Variants in STK33 observed in about 807,000 individuals in gnomAD.
STK33 encodes the protein serine/threonine kinase 33.
Under a neutral mutation model 58.0 loss-of-function variants are expected in STK33, and 52 were observed. That is an observed-to-expected ratio of 0.90 (90% CI 0.72 to 1.13). STK33 has a LOEUF of 1.13. Among genes scored for constraint, STK33 ranks in the 50% most tolerant of loss-of-function variants. The pLI, the probability that STK33 is intolerant of heterozygous loss-of-function variation, is 0.00. For missense variants in STK33, 630 were observed against 604.2 expected (o/e 1.04, Z -0.45); for synonymous variants, 215 against 200.1 (o/e 1.07, Z -0.63).
intron 1 of STK33, among the ~76,000 whole-genome samples, chr11:8,553,204 T>TC (rs1956468981): frequency 1.3e-5 from 1 of 76,418 alleles, no homozygotes; most frequent in Non-Finnish European, 2.4e-5. Context: ...ATATGGTGTA[T>TC]ATATATATAT....
intron 1 of STK33, among the ~76,000 whole-genome samples, chr11:8,489,335 T>TC (rs1950427539): frequency 6.6e-6 from 1 of 151,246 alleles, no homozygotes; most frequent in Non-Finnish European, 1.5e-5. Context: ...ATATATTATA[T>TC]TACACCAAAT....
At chr11:8,495,266 C>T (rs543647993) in intron 1 of STK33, among the ~76,000 whole-genome samples, 1 of 152,012 alleles carries the variant, frequency 6.6e-6, no homozygotes, top group African/African-American at 2.4e-5. Flanking sequence ...AACAAACAAC[C>T]CCATCAAAAA....
At chr11:8,515,753 G>A (rs1209477368) in intron 1 of STK33, among the ~76,000 whole-genome samples, 1 of 152,118 alleles carries the variant, frequency 6.6e-6, no homozygotes, top group African/African-American at 2.4e-5. Flanking sequence ...CTCAATAGAT[G>A]CAGAGAAGCA....
chr11:8,415,344 T>C (rs770148550), intron 14 of STK33, among the ~76,000 whole-genome samples: 5 of 152,290 alleles, frequency 3.3e-5, no homozygotes, highest in South Asian at 2.1e-4. Context: ...AGGCTCATGG[T>C]AGAGTTTCAC....
In STK33 at chr11:8,392,330, C is replaced by A; in HGVS notation, c.*180G>T. 1 of 724,208 alleles carries A rather than the reference C, an allele frequency of 1.4e-6. No individual in the cohort carries two copies. The allele number at this position is 724,208 out of a possible 1,614,324, so 44.9% of individuals were successfully genotyped here. A position where few individuals can be genotyped will look rare whatever the true frequency, so the allele number is the denominator to read the frequency against. ...GGCTGTCCTTTAATGCCATGTGCAG[C>A]TTATGCTGCTTTGGAGATAAGCAGC... On this transcript the variant is annotated 3_prime_UTR_variant, in exon 16 of 16. Coordinates refer to ENST00000687296, the MANE Select transcript of STK33 (RefSeq NM_001352389.2).
At chr11:8,529,264 C>A (rs1024370403) in intron 1 of STK33, among the ~76,000 whole-genome samples, 10 of 152,178 alleles carry the variant, frequency 6.6e-5, no homozygotes, top group Admixed American at 5.9e-4. Context: ...TCTCCTAACT[C>A]CAAACTAACT....
intron 1 of STK33, among the ~76,000 whole-genome samples, chr11:8,516,598 T>C (rs1177368041): frequency 3.3e-5 from 5 of 152,196 alleles, no homozygotes; most frequent in African/African-American, 4.8e-5. Context: ...GAAGCCGTGA[T>C]AGATGGTACC....
chr11:8,592,570 G>A (rs1440385938), intron 1 of STK33, among the ~76,000 whole-genome samples: 1 of 152,244 alleles, frequency 6.6e-6, no homozygotes, highest in East Asian at 1.9e-4. Flanking sequence ...CATTCACAAT[G>A]TTCCTGCCCT....
chr11:8,361,926 C>T, the STK33 span, among the ~76,000 whole-genome samples: 1 of 152,242 alleles, frequency 6.6e-6, no homozygotes, highest in South Asian at 2.1e-4. The surrounding 1 kb of genome is among the most constrained non-coding windows in gnomAD (Gnocchi z 4.8). Flanking sequence ...CACATGCCTG[C>T]TTGGCCACTC....
At chr11:8,429,891 A>G (rs1435764942) in intron 14 of STK33, among the ~76,000 whole-genome samples, 1 of 152,098 alleles carries the variant, frequency 6.6e-6, no homozygotes, top group East Asian at 1.9e-4. Context: ...GGCTCTTCCT[A>G]GATTCAACTG....
chr11:8,348,894 C>T, the STK33 span, among the ~76,000 whole-genome samples: 1 of 151,004 alleles, frequency 6.6e-6, no homozygotes, highest in Admixed American at 6.6e-5. Flanking sequence ...AAAAAAAAAT[C>T]ACATGACATT....
At chr11:8,511,344 G>A (rs750870926) in intron 1 of STK33, among the ~76,000 whole-genome samples, 1 of 152,156 alleles carries the variant, frequency 6.6e-6, no homozygotes, top group African/African-American at 2.4e-5. Flanking sequence ...TTTGTATCCT[G>A]AGACTTTACT....
intron 9 of STK33, among the ~76,000 whole-genome samples, chr11:8,456,087 T>C (rs1409715535): frequency 6.6e-6 from 1 of 152,222 alleles, no homozygotes; most frequent in Non-Finnish European, 1.5e-5. Context: ...TTGGCTATTT[T>C]TACCCATTTG....
At chr11:8,370,935 T>C in the STK33 span, among the ~76,000 whole-genome samples, 3 of 152,096 alleles carry the variant, frequency 2.0e-5, no homozygotes, top group Admixed American at 6.5e-5. Context: ...TTGGAGATCA[T>C]GAAGTGAGAC....
the STK33 span, among the ~76,000 whole-genome samples, chr11:8,386,205 G>C: frequency 1.3e-5 from 2 of 152,176 alleles, no homozygotes; most frequent in South Asian, 2.1e-4. Flanking sequence ...CAAGCAATCA[G>C]AATCACTGCA....
At chr11:8,489,426 G>A (rs977903291) in intron 1 of STK33, among the ~76,000 whole-genome samples, 2 of 152,088 alleles carry the variant, frequency 1.3e-5, no homozygotes, top group Non-Finnish European at 2.9e-5. Flanking sequence ...AATTTCTAAA[G>A]AACAGAAGCT....
intron 1 of STK33, among the ~76,000 whole-genome samples, chr11:8,553,873 A>G (rs1956543355): frequency 6.6e-6 from 1 of 152,160 alleles, no homozygotes; most frequent in South Asian, 2.1e-4. Flanking sequence ...ACAGAGGTTA[A>G]GCTCCATGAC....
the STK33 span, among the ~76,000 whole-genome samples, chr11:8,346,997 G>T: frequency 6.6e-6 from 1 of 152,160 alleles, no homozygotes; most frequent in Non-Finnish European, 1.5e-5. Context: ...CAGATGACTG[G>T]GAAGGGAGTA....
At chr11:8,510,928 C>T (rs1307167368) in intron 1 of STK33, among the ~76,000 whole-genome samples, 1 of 151,892 alleles carries the variant, frequency 6.6e-6, no homozygotes, top group African/African-American at 2.4e-5. Context: ...TAATGTGATG[C>T]CTCCAGATTT....
Sources: gnomAD v4.1 joint callset for allele counts (sites outside exome capture counted in the v4.1 genomes callset) on GRCh38, gnomAD v4.1.1 for gene constraint, Gnocchi (gnomAD v3.1) non-coding constraint, MANE v1.5 for transcripts, NCBI Gene and HGNC (gene_info 2026-07-23, HGNC 2026-07-21) for gene names.